The following PLPP1 variants were observed in gnomAD, a reference collection of about 807,000 sequenced individuals.
The protein encoded by PLPP1 is lipid phosphate phosphohydrolase 1a.
Under a neutral mutation model 31.2 loss-of-function variants are expected in PLPP1, and 24 were observed. The ratio of observed to expected loss-of-function variants is 0.77; its 90% CI spans 0.56 to 1.08. The LOEUF is 1.08. PLPP1 is among the 50% of genes least tolerant of loss of function. The pLI is 0.00. For missense variants in PLPP1, 319 were observed against 342.7 expected (o/e 0.93, Z 0.55); for synonymous variants, 146 against 126.3 (o/e 1.16, Z -1.05).
intron 4 of PLPP1, among the ~76,000 whole-genome samples, chr5:55,436,058 A>G (rs1436859845): frequency 5.9e-5 from 9 of 151,988 alleles, no homozygotes; most frequent in African/African-American, 2.2e-4. Context: ...GGATATTACT[A>G]GAGATTCATA....
At chr5:55,532,320 T>TCA (rs1229747197) in intron 1 of PLPP1, among the ~76,000 whole-genome samples, 4 of 152,188 alleles carry the variant, frequency 2.6e-5, no homozygotes, top group Non-Finnish European at 5.9e-5. Context: ...GCCATTCTAA[T>TCA]CACTGTTTGG....
chr5:55,448,592 C>T (rs1230322652), intron 3 of PLPP1, among the ~76,000 whole-genome samples: 4 of 151,888 alleles, frequency 2.6e-5, no homozygotes, highest in African/African-American at 7.3e-5. Flanking sequence ...GGATTACAGG[C>T]GTGCGCCACC....
chr5:55,477,394 T>TTA (rs1752576860), intron 1 of PLPP1, among the ~76,000 whole-genome samples: 2 of 51,674 alleles, frequency 3.9e-5, no homozygotes, highest in Non-Finnish European at 9.2e-5. Context: ...CTTTTTTCTT[T>TTA]TCTTTTTTTT....
chr5:55,477,693 A>G (rs1349916403), intron 1 of PLPP1, among the ~76,000 whole-genome samples: 2 of 152,170 alleles, frequency 1.3e-5, no homozygotes, highest in African/African-American at 4.8e-5. Context: ...GTGCCCAGCC[A>G]AAGAACCTCT....
chr5:55,529,484 A>G (rs938660540), intron 1 of PLPP1, among the ~76,000 whole-genome samples: 6 of 152,178 alleles, frequency 3.9e-5, no homozygotes, highest in African/African-American at 1.4e-4. Flanking sequence ...CAAATCAGTC[A>G]AAGACTGAAA....
At chr5:55,521,445 G>C (rs1019170760) in intron 1 of PLPP1, among the ~76,000 whole-genome samples, 2 of 151,942 alleles carry the variant, frequency 1.3e-5, no homozygotes, top group African/African-American at 4.8e-5. Context: ...TTGAGTCTGG[G>C]AGGTCAAGGC....
At position 55,490,254 on chromosome 5, in the gene PLPP1, G is replaced by A. The variant is rs568767586; in HGVS notation, c.59-14804C>T. ...AAATCTCCATCTCCTGGGTTCAAGC[G>A]ATTCTCCTGCCTCGGCCTCCCGAGT... On this transcript the variant is annotated intron_variant, in intron 1 of 5. Transcript: ENST00000307259. 6.0e-5 allele frequency among the ~76,000 whole-genome samples: 9 copies of A among 148,928 alleles called. 1 individual carries two copies. Among genetic ancestry groups the A allele is most frequent in the South Asian group, 2.1e-4 (1 of 4,672 alleles).
At chr5:55,516,415 T>C (rs1463528787) in intron 1 of PLPP1, among the ~76,000 whole-genome samples, 1 of 152,224 alleles carries the variant, frequency 6.6e-6, no homozygotes, top group Non-Finnish European at 1.5e-5. Context: ...ATAGCACCCA[T>C]ACTTCTCCTT....
intron 2 of PLPP1, 89 bp from the exon 3 acceptor site, chr5:55,468,238 A>C: frequency 3.4e-6 from 4 of 1,177,770 alleles, no homozygotes; most frequent in Non-Finnish European, 4.7e-6. Context: ...GGAAATGGTA[A>C]ATCGCAAAAA....
intron 1 of PLPP1, chr5:55,530,392 TA>T (rs1740618257): frequency 3.1e-6 from 4 of 1,296,338 alleles, no homozygotes; most frequent in Non-Finnish European, 4.5e-6. Context: ...CGCTCTCTGG[TA>T]AAATTTGATT....
At chr5:55,503,133 C>A (rs1579969985) in intron 1 of PLPP1, among the ~76,000 whole-genome samples, 1 of 152,242 alleles carries the variant, frequency 6.6e-6, no homozygotes, top group Non-Finnish European at 1.5e-5. Context: ...CAGCTACCAA[C>A]TGCTTCCTCT....
chr5:55,529,226 T>G (rs1393551813), intron 1 of PLPP1, among the ~76,000 whole-genome samples: 1 of 150,538 alleles, frequency 6.6e-6, no homozygotes, highest in Non-Finnish European at 1.5e-5. Flanking sequence ...ATATATAACC[T>G]GAAAAACTGC....
At chr5:55,496,006 C>T (rs531090999) in intron 1 of PLPP1, among the ~76,000 whole-genome samples, 6 of 152,126 alleles carry the variant, frequency 3.9e-5, no homozygotes, top group Admixed American at 3.3e-4. Context: ...CACAGGCACG[C>T]GCCACCAAGC....
intron 1 of PLPP1, among the ~76,000 whole-genome samples, chr5:55,491,768 G>A (rs570236674): frequency 1.4e-5 from 2 of 146,952 alleles, no homozygotes; most frequent in African/African-American, 5.0e-5. Context: ...TGAAGCAGGA[G>A]AATCGCTTGA....
intron 1 of PLPP1, among the ~76,000 whole-genome samples, chr5:55,496,557 A>C (rs1248413608): frequency 6.6e-6 from 1 of 152,084 alleles, no homozygotes; most frequent in African/African-American, 2.4e-5. Flanking sequence ...TCTCTTGTTG[A>C]TTTTCTAAAC....
Position 55,475,414 on chromosome 5 carries a change from G to A in PLPP1, c.95C>T (p.Thr32Ile). 1.2e-6 allele frequency: 2 copies of A among 1,610,596 alleles called. No homozygotes were observed. The highest frequency in any genetic ancestry group is 1.3e-5 in the African/African-American group (1 of 74,888). ...LPFAILTSRHTPFQRGVFCND... is the reference protein window; with the variant it reads ...LPFAILTSRHIPFQRGVFCND... ...ACAGAATACTCCTCGTTGGAAGGGG[G>A]TATGCCTTGAAGTAAGAATTGCAAA... is the stretch of plus-strand genomic sequence containing the variant. Residue 32 changes from threonine (T) to isoleucine (I), a missense_variant, in exon 2 of 6, where the codon ACC becomes ATC. By Grantham distance (89) the Thr-to-Ile change is moderately conservative. Coordinates refer to ENST00000307259, the MANE Select transcript of PLPP1 (RefSeq NM_003711.4).
intron 3 of PLPP1, among the ~76,000 whole-genome samples, chr5:55,443,626 T>C (rs76702847): frequency 0.15 from 23,085 of 152,206 alleles, 2,187 homozygotes; most frequent in South Asian, 0.18. Flanking sequence ...TCCTTTACAC[T>C]GTGCTATAAA....
intron 4 of PLPP1, among the ~76,000 whole-genome samples, chr5:55,427,806 G>A (rs1324201177): frequency 1.3e-5 from 2 of 151,834 alleles, no homozygotes; most frequent in East Asian, 3.9e-4. Context: ...GGGAAGCAGG[G>A]AACAGTTTTC....
chr5:55,473,733 C>A (rs1291873710), intron 2 of PLPP1, among the ~76,000 whole-genome samples: 1 of 152,080 alleles, frequency 6.6e-6, no homozygotes, highest in African/African-American at 2.4e-5. Context: ...TCATGGCTCA[C>A]TGCAGGCTCA....
Sources: allele counts gnomAD v4.1 joint callset (sites outside exome capture counted in the v4.1 genomes callset), GRCh38; gene constraint gnomAD v4.1.1; transcripts MANE v1.5; gene names NCBI Gene and HGNC (gene_info 2026-07-23, HGNC 2026-07-21).